FAM167A: variants seen among roughly 807,000 people sequenced by gnomAD.
FAM167A encodes family with sequence similarity 167 member A.
FAM167A carries 23 observed loss-of-function variants against 14.9 expected under a neutral mutation model. That is an observed-to-expected ratio of 1.55 (90% CI 1.11 to 2.19). The LOEUF (loss-of-function observed/expected upper bound fraction) is 2.19. Ranked by LOEUF, FAM167A falls within the 30% of genes most tolerant of loss-of-function variation. FAM167A has a pLI of 0.00. For missense variants in FAM167A, 401 were observed against 281.5 expected (o/e 1.42, Z -3.04); for synonymous variants, 174 against 117.7 (o/e 1.48, Z -3.10).
intron 1 of FAM167A, among the ~76,000 whole-genome samples, chr8:11,449,148 C>G (rs1806917790): frequency 6.6e-6 from 1 of 152,262 alleles, no homozygotes; most frequent in Non-Finnish European, 1.5e-5. Flanking sequence ...GCTCAAGCAG[C>G]ATGTGTTTTC....
rs1563351939 is a variant in FAM167A at position 11,423,319 on chromosome 8, A to G, written c.*1054T>C. 6.6e-6 allele frequency: 1 copy of G among 152,500 alleles called. No homozygotes were observed. Among genetic ancestry groups the G allele is most frequent in the Non-Finnish European group, 1.5e-5 (1 of 68,028 alleles). The allele number at this position is 152,500 out of a possible 1,614,324, so 9.4% of individuals were successfully genotyped here. On this transcript the variant is annotated 3_prime_UTR_variant, in exon 3 of 3. Coordinates refer to ENST00000284486, the MANE Select transcript of FAM167A (RefSeq NM_053279.3). ...CTTAAAATCAAATCCTACGCACTGT[A>G]GTTGACCTACACAAGTGGCTTCCGC...
intron 2 of FAM167A, among the ~76,000 whole-genome samples, 197 bp from the exon 3 acceptor site, chr8:11,424,833 T>C (rs1361699485): frequency 6.6e-6 from 1 of 152,202 alleles, no homozygotes; most frequent in Non-Finnish European, 1.5e-5. Flanking sequence ...CGCAAAACAA[T>C]ACTTTGTGCT....
chr8:11,474,117 C>G (rs181396978), intron 1 of FAM167A, among the ~76,000 whole-genome samples: 1 of 152,118 alleles, frequency 6.6e-6, no homozygotes, highest in Non-Finnish European at 1.5e-5. Flanking sequence ...TCAGGTGATC[C>G]GCCTGCCTTG....
At position 11,424,634 on chromosome 8, in the gene FAM167A, C is replaced by T. The variant is rs533627555; in HGVS notation, c.384G>A (p.Thr128=). The change falls in exon 3 of 3, where the codon ACG becomes ACA. Residue 128 remains threonine (T), a splice_region_variant and synonymous_variant. Coordinates refer to ENST00000284486, the MANE Select transcript of FAM167A (RefSeq NM_053279.3). ...EAIAWLRKEL[T]EMRLQDQQLA... ...GTTGCTGGTCCTGCAGCCGCATCTC[C>T]GTCTGGAAGGGAGGGGGAGCAGGCA... 1.2e-5 allele frequency: 20 copies of T among 1,613,328 alleles called. No homozygotes were observed. Among genetic ancestry groups the T allele is most frequent in the South Asian group, 7.7e-5 (7 of 91,070 alleles).
intron 2 of FAM167A, among the ~76,000 whole-genome samples, chr8:11,428,549 G>A (rs1274945385): frequency 6.6e-6 from 1 of 152,220 alleles, no homozygotes; most frequent in African/African-American, 2.4e-5. Context: ...CATGAGGAGG[G>A]GGCTGGGAAT....
At chr8:11,449,693 G>A (rs1454110792) in intron 1 of FAM167A, among the ~76,000 whole-genome samples, 1 of 152,212 alleles carries the variant, frequency 6.6e-6, no homozygotes, top group South Asian at 2.1e-4. Flanking sequence ...CCTTGGGGGG[G>A]CGCGTCAGCC....
chr8:11,435,082 G>C (rs959949097), intron 2 of FAM167A: 2 of 456,766 alleles, frequency 4.4e-6, no homozygotes, highest in Non-Finnish European at 8.8e-6. Context: ...AGGTCTCCCT[G>C]CTTCTTCAAA....
intron 2 of FAM167A, among the ~76,000 whole-genome samples, chr8:11,442,753 G>A (rs1161835283): frequency 6.6e-6 from 1 of 151,750 alleles, no homozygotes; most frequent in Non-Finnish European, 1.5e-5. Context: ...CAAACCCGCA[G>A]GTGCCTCATC....
At chr8:11,432,105 C>G (rs1213041236) in intron 2 of FAM167A, among the ~76,000 whole-genome samples, 1 of 152,032 alleles carries the variant, frequency 6.6e-6, no homozygotes, top group Non-Finnish European at 1.5e-5. Context: ...CTTGCTTGGT[C>G]TAAAACACTG....
At position 11,422,240 on chromosome 8, in the gene FAM167A, G is replaced by C. The variant is rs373163425; in HGVS notation, c.*2133C>G. ...CATTTTCGCTGAACCCAATGGTTTCGGTTACTGTAATGACTGATTTCCAAA... is the reference window on the plus strand; with the variant it reads ...CATTTTCGCTGAACCCAATGGTTTCCGTTACTGTAATGACTGATTTCCAAA... On this transcript the variant is annotated 3_prime_UTR_variant, in exon 3 of 3. Transcript: ENST00000284486. 1 of 162,692 alleles carries C rather than the reference G, an allele frequency of 6.1e-6. No homozygotes were observed. The highest frequency in any genetic ancestry group is 1.3e-5 in the Non-Finnish European group (1 of 75,040). The allele number at this position is 162,692 out of a possible 1,614,324, so 10.1% of individuals were successfully genotyped here.
At chr8:11,432,343 C>G (rs1319197846) in intron 2 of FAM167A, among the ~76,000 whole-genome samples, 2 of 152,144 alleles carry the variant, frequency 1.3e-5, no homozygotes, top group African/African-American at 2.4e-5. Flanking sequence ...GGCTAATATC[C>G]AGAATCTACA....
At chr8:11,454,079 T>A (rs975967360) in intron 1 of FAM167A, among the ~76,000 whole-genome samples, 1 of 152,208 alleles carries the variant, frequency 6.6e-6, no homozygotes, top group African/African-American at 2.4e-5. Flanking sequence ...AAGAATTAGC[T>A]ACACTGTGAC....
chr8:11,434,359 G>A (rs921094245), intron 2 of FAM167A, among the ~76,000 whole-genome samples: 1 of 152,150 alleles, frequency 6.6e-6, no homozygotes, highest in Non-Finnish European at 1.5e-5. Context: ...GGATGGGAGG[G>A]GGGCAGGTGC....
intron 2 of FAM167A, among the ~76,000 whole-genome samples, chr8:11,427,401 C>T (rs1261943018): frequency 6.6e-6 from 1 of 152,200 alleles, no homozygotes; most frequent in Non-Finnish European, 1.5e-5. Context: ...TCCTACTTGA[C>T]TCGAGATCTG....
In FAM167A at chr8:11,448,645, GTGGA is replaced by G. The variant is rs1166357039; in HGVS notation, c.-397-3841_-397-3838del. The stretch of plus-strand genomic sequence containing the variant: ...CCAGATTTTCAGGTCTCAAAACTTA[GTGGA>G]GTCTGTTCTGCCATAGAAGGGAGAG... On this transcript the variant is annotated intron_variant, in intron 1 of 2. Coordinates refer to ENST00000284486, the MANE Select transcript of FAM167A (RefSeq NM_053279.3). Among the ~76,000 whole-genome samples the G allele has an allele frequency of 9.8e-5, 15 of 152,326 alleles. No homozygotes were observed. In the East Asian group the frequency reaches 2.3e-3, roughly 24 times the overall value.
intron 1 of FAM167A, among the ~76,000 whole-genome samples, chr8:11,460,193 C>T (rs962244544): frequency 1.3e-5 from 2 of 152,240 alleles, no homozygotes; most frequent in Admixed American, 6.5e-5. Context: ...GGGCTGCACC[C>T]GTAGATTGCC....
chr8:11,431,604 GC>G (rs1412732052), intron 2 of FAM167A, among the ~76,000 whole-genome samples: 2 of 152,184 alleles, frequency 1.3e-5, no homozygotes, highest in African/African-American at 4.8e-5. Flanking sequence ...AATCCAGTTT[GC>G]CCAGGACCTA....
chr8:11,424,318 C>T lies in FAM167A; in HGVS notation c.*55G>A, dbSNP rs1016067086. 2 of 1,600,662 alleles carry T rather than the reference C, an allele frequency of 1.2e-6. No homozygotes were observed. Among genetic ancestry groups the T allele is most frequent in the East Asian group, 2.2e-5 (1 of 44,630 alleles). ...GTAACTTGGCCTCAGCTTCCTCTGA[C>T]ACCCCTCCAGCCCAAGCCCTCCGCT... is the stretch of plus-strand genomic sequence containing the variant. On this transcript the variant is annotated 3_prime_UTR_variant, in exon 3 of 3. Coordinates refer to ENST00000284486, the MANE Select transcript of FAM167A (RefSeq NM_053279.3).
chr8:11,462,618 C>A (rs574282484), intron 1 of FAM167A, among the ~76,000 whole-genome samples: 2 of 152,188 alleles, frequency 1.3e-5, no homozygotes, highest in East Asian at 3.9e-4. Flanking sequence ...CCTGAGGGCA[C>A]GGCCTTCACC....
Sources: allele counts gnomAD v4.1 joint callset (sites outside exome capture counted in the v4.1 genomes callset), GRCh38; gene constraint gnomAD v4.1.1; transcripts MANE v1.5; gene names NCBI Gene and HGNC (gene_info 2026-07-23, HGNC 2026-07-21).